Variants in ATXN7L1 observed in about 807,000 individuals in gnomAD.
The protein encoded by ATXN7L1 is ataxin 7 like 1.
In ATXN7L1, 15 loss-of-function variants were observed where a neutral mutation model predicts 70.8. That is an observed-to-expected ratio of 0.21 (90% CI 0.14 to 0.33). The LOEUF (loss-of-function observed/expected upper bound fraction) is 0.33, where lower values mean the gene tolerates loss of function less well. Among genes scored for constraint, ATXN7L1 ranks in the 10% least tolerant of loss-of-function variants. The pLI is 1.00. For synonymous variants in ATXN7L1, 440 were observed against 445.1 expected, an observed-to-expected ratio of 0.99 and a Z score of 0.14; for missense variants, 975 against 1,097.1, an observed-to-expected ratio of 0.89 and a Z score of 1.57.
chr7:105,735,741 T>C (rs1416862645), intron 3 of ATXN7L1, among the ~76,000 whole-genome samples: 3 of 152,068 alleles, frequency 2.0e-5, no homozygotes, highest in Non-Finnish European at 4.4e-5. Flanking sequence ...GCATTATTTG[T>C]CTTTTCTTTT....
At chr7:105,858,523 C>A (rs1225743649) in intron 2 of ATXN7L1, among the ~76,000 whole-genome samples, 2 of 152,182 alleles carry the variant, frequency 1.3e-5, no homozygotes, top group Non-Finnish European at 2.9e-5. Context: ...TTTTGGGGGA[C>A]AGGATATTCA....
chr7:105,793,647 A>G (rs1805568130), intron 2 of ATXN7L1, among the ~76,000 whole-genome samples: 1 of 152,158 alleles, frequency 6.6e-6, no homozygotes, highest in African/African-American at 2.4e-5. Context: ...GTGCCCAATG[A>G]AGACGGAACT....
chr7:105,792,283 A>AAAGTGAG (rs1204540289), intron 2 of ATXN7L1, among the ~76,000 whole-genome samples: 1 of 152,200 alleles, frequency 6.6e-6, no homozygotes, highest in Non-Finnish European at 1.5e-5. Flanking sequence ...TCTCCTGTGG[A>AAAGTGAG]AAGTGAGAGG....
rs1800557361 is a variant in ATXN7L1 at position 105,761,583 on chromosome 7, T to C, written c.355+27021A>G. On this transcript the variant is annotated intron_variant, in intron 3 of 11. Transcript: ENST00000419735. Reference sequence around the variant, plus strand: ...CCATGTTTCCCCCTAAATTAAACACTGGTTGCTTAAATGCGTCTTCATGAT... The same window carrying C: ...CCATGTTTCCCCCTAAATTAAACACCGGTTGCTTAAATGCGTCTTCATGAT... 7 of 1,324,644 alleles carry C rather than the reference T, an allele frequency of 5.3e-6. No homozygotes were observed. In the Admixed American group the frequency reaches 1.6e-4, roughly 31 times the overall value. The allele number at this position is 1,324,644 out of a possible 1,614,324, so 82.1% of individuals were successfully genotyped here. A position where few individuals can be genotyped will look rare whatever the true frequency, so the allele number is the denominator to read the frequency against.
intron 4 of ATXN7L1, among the ~76,000 whole-genome samples, chr7:105,649,098 A>C (rs1442863043): frequency 6.6e-6 from 1 of 152,214 alleles, no homozygotes; most frequent in Non-Finnish European, 1.5e-5. Flanking sequence ...ATGCATGTGC[A>C]CACTTCCCAA....
intron 3 of ATXN7L1, among the ~76,000 whole-genome samples, chr7:105,759,314 A>G (rs541211551): frequency 6.6e-6 from 1 of 151,926 alleles, no homozygotes; most frequent in Non-Finnish European, 1.5e-5. Flanking sequence ...TGCTGGGCTC[A>G]GATCCAGCTT....
chr7:105,775,505 C>T (rs901638213), intron 3 of ATXN7L1, among the ~76,000 whole-genome samples: 7 of 152,142 alleles, frequency 4.6e-5, no homozygotes, highest in Non-Finnish European at 1.0e-4. Context: ...ACATAAGAAT[C>T]GGCTCCTTGA....
chr7:105,764,018 T>C (rs1800908387), intron 3 of ATXN7L1, among the ~76,000 whole-genome samples: 1 of 152,116 alleles, frequency 6.6e-6, no homozygotes, highest in South Asian at 2.1e-4. Flanking sequence ...CATGCCCAGC[T>C]AATTTTTATA....
At chr7:105,638,174 T>A (rs1172179415) in intron 7 of ATXN7L1, among the ~76,000 whole-genome samples, 179 bp downstream of exon 7, 1 of 152,236 alleles carries the variant, frequency 6.6e-6, no homozygotes, top group Non-Finnish European at 1.5e-5. Context: ...GAACACTATG[T>A]GGCAAGCACT....
chr7:105,864,456 C>CA (rs34739253), intron 2 of ATXN7L1, among the ~76,000 whole-genome samples: 16,770 of 41,130 alleles, frequency 0.41, 5,238 homozygotes, highest in African/African-American at 0.52. Context: ...GGCCCTGTCT[C>CA]AAAAAAAAAA....
intron 3 of ATXN7L1, among the ~76,000 whole-genome samples, chr7:105,704,563 A>G (rs1398359113): frequency 1.3e-5 from 2 of 149,904 alleles, no homozygotes; most frequent in African/African-American, 4.9e-5. Context: ...GAGGAAACCA[A>G]TGTCCAGAGA....
chr7:105,816,154 C>G (rs912296713), intron 2 of ATXN7L1, among the ~76,000 whole-genome samples: 1 of 152,038 alleles, frequency 6.6e-6, no homozygotes, highest in Non-Finnish European at 1.5e-5. Context: ...AACGGGAAGT[C>G]AGTAGGCAGT....
chr7:105,797,490 C>T (rs1024087894), intron 2 of ATXN7L1, among the ~76,000 whole-genome samples: 1 of 152,222 alleles, frequency 6.6e-6, no homozygotes, highest in African/African-American at 2.4e-5. Context: ...CCTCAGGTCT[C>T]GCCCAGAGTT....
intron 2 of ATXN7L1, among the ~76,000 whole-genome samples, chr7:105,816,704 G>T (rs955879319): frequency 6.6e-6 from 1 of 152,216 alleles, no homozygotes; most frequent in Non-Finnish European, 1.5e-5. Flanking sequence ...ACCTCCAGCT[G>T]GGAGCTGGAA....
intron 2 of ATXN7L1, among the ~76,000 whole-genome samples, chr7:105,805,892 C>G (rs373698882): frequency 2.2e-4 from 34 of 152,032 alleles, no homozygotes; most frequent in African/African-American, 8.2e-4. Flanking sequence ...AGGTGCGAGG[C>G]AGAGTTTTAC....
chr7:105,653,819 G>C (rs1584532188), intron 4 of ATXN7L1, among the ~76,000 whole-genome samples: 1 of 151,612 alleles, frequency 6.6e-6, no homozygotes, highest in South Asian at 2.1e-4. Flanking sequence ...CCAGTGCTCC[G>C]GCCTGGCTCT....
chr7:105,683,226 T>C (rs1167394039), intron 3 of ATXN7L1, among the ~76,000 whole-genome samples: 3 of 152,198 alleles, frequency 2.0e-5, no homozygotes, highest in South Asian at 2.1e-4. Flanking sequence ...TGCATACACA[T>C]GCATATGTAC....
At chr7:105,702,608 T>C (rs577798360) in intron 3 of ATXN7L1, among the ~76,000 whole-genome samples, 3 of 151,676 alleles carry the variant, frequency 2.0e-5, no homozygotes, top group Non-Finnish European at 4.4e-5. Flanking sequence ...ATCTTTTAAA[T>C]AGGAAAGAGA....
chr7:105,612,982 C>T (rs986740174), intron 10 of ATXN7L1, among the ~76,000 whole-genome samples: 3 of 152,044 alleles, frequency 2.0e-5, no homozygotes, highest in Admixed American at 1.3e-4. Flanking sequence ...GCAGGTTGGC[C>T]GGCCCTCTCG....
Sources: allele counts gnomAD v4.1 joint callset (sites outside exome capture counted in the v4.1 genomes callset), GRCh38; gene constraint gnomAD v4.1.1; transcripts MANE v1.5; gene names NCBI Gene and HGNC (gene_info 2026-07-23, HGNC 2026-07-21).